The following B4GALNT2 variants were observed in gnomAD, a reference collection of about 807,000 sequenced individuals.
The protein encoded by B4GALNT2 is N-acetylneuraminylgalactosylglucosyl-glucoside beta-1,4-N- acetylgalactosaminyltransferase 2.
In B4GALNT2, 42 loss-of-function variants were observed where a neutral mutation model predicts 51.1. That is an observed-to-expected ratio of 0.82 (90% CI 0.64 to 1.06). The LOEUF (loss-of-function observed/expected upper bound fraction) is 1.06, where lower values mean the gene tolerates loss of function less well. Ranked by LOEUF, B4GALNT2 falls within the 50% of genes least tolerant of loss-of-function variation. The pLI, the probability that B4GALNT2 is intolerant of heterozygous loss-of-function variation, is 0.00. For missense variants in B4GALNT2, 602 were observed against 633.6 expected, an observed-to-expected ratio of 0.95 and a Z score of 0.54; for synonymous variants, 253 against 251.7, an observed-to-expected ratio of 1.01 and a Z score of -0.05.
In B4GALNT2 at chr17:49,171,355, C is replaced by T. The variant is rs570140475; in HGVS notation, c.*1627C>T. 28 of 426,520 alleles carry T rather than the reference C, an allele frequency of 6.6e-5. No individual in the cohort carries two copies. The highest frequency in any genetic ancestry group is 1.0e-4 in the Non-Finnish European group (23 of 220,042). 26.4% of individuals were successfully genotyped at this position (426,520 alleles called of 1,614,324 possible). A position where few individuals can be genotyped will look rare whatever the true frequency, so the allele number is the denominator to read the frequency against. On this transcript the variant is annotated 3_prime_UTR_variant, in exon 11 of 11. Coordinates refer to ENST00000393354, the MANE Select transcript of B4GALNT2 (RefSeq NM_001159387.2). Reference sequence around the variant, plus strand: ...GGGTTAATATCTGCTAATCTGTCTGCAGCTCCTTCAAGCACTCCAGTTCCT... The same window carrying T: ...GGGTTAATATCTGCTAATCTGTCTGTAGCTCCTTCAAGCACTCCAGTTCCT...
At chr17:49,168,935 G>A in intron 10 of B4GALNT2, 35 bp downstream of exon 10, 1 of 1,589,858 alleles carries the variant, frequency 6.3e-7, no homozygotes, top group Non-Finnish European at 8.6e-7. Context: ...AGGGAGCTGG[G>A]CTGGGAATTA....
intron 7 of B4GALNT2, among the ~76,000 whole-genome samples, chr17:49,161,914 A>T (rs2042868717): frequency 6.6e-6 from 1 of 151,792 alleles, no homozygotes; most frequent in African/African-American, 2.4e-5. Context: ...GGTATAAGGC[A>T]TGACACAAAA....
intron 3 of B4GALNT2, among the ~76,000 whole-genome samples, chr17:49,150,105 G>A (rs376446169): frequency 2.6e-5 from 4 of 151,732 alleles, no homozygotes; most frequent in Non-Finnish European, 5.9e-5. Context: ...CAGCCGCCCC[G>A]TCCAGGAGGT....
rs1567870586 is a variant in B4GALNT2, at chr17:49,175,025, AGT to A, written c.*5298_*5299del. ...GTACAGAAGTTATAATTGGTTGAAT[AGT>A]CCCATGTTGTCCATCGGGCCCCTCA... On this transcript the variant is annotated 3_prime_UTR_variant, in exon 11 of 11. Transcript: ENST00000393354. 2.0e-5 allele frequency: 3 copies of A among 152,186 alleles called. No homozygotes were observed. The highest frequency in any genetic ancestry group is 2.4e-5 in the African/African-American group (1 of 41,454). The allele number at this position is 152,186 out of a possible 1,614,324, so 9.4% of individuals were successfully genotyped here.
chr17:49,136,863 C>T (rs998698506), intron 1 of B4GALNT2, among the ~76,000 whole-genome samples: 2 of 152,090 alleles, frequency 1.3e-5, no homozygotes, highest in Admixed American at 6.6e-5. Flanking sequence ...TAGAGTTTTA[C>T]AAGCTGGTGA....
chr17:49,166,637 G>A (rs911626690), intron 9 of B4GALNT2, among the ~76,000 whole-genome samples: 11 of 152,030 alleles, frequency 7.2e-5, no homozygotes, highest in African/African-American at 2.4e-4. Context: ...AAGCACACAC[G>A]GCACTAATGA....
chr17:49,133,207 G>C (rs1022036028), intron 1 of B4GALNT2: 2 of 1,500,676 alleles, frequency 1.3e-6, no homozygotes, highest in African/African-American at 2.9e-5. Context: ...CACGGGAGGA[G>C]CCGCCGTCAG....
In B4GALNT2 at chr17:49,141,378, C is replaced by A; in HGVS notation, c.146C>A (p.Pro49Gln). Residue 49 changes from proline (P) to glutamine (Q), a missense_variant, in exon 2 of 11, where the codon CCG becomes CAG. Transcript: ENST00000393354. ...AAGCCAGAACTCCCAAGTCCTGCCCCGGGTGTCCAGAAGCTGAAGCTTCTG... is the reference window on the plus strand; with the variant it reads ...AAGCCAGAACTCCCAAGTCCTGCCCAGGGTGTCCAGAAGCTGAAGCTTCTG... ...SPKPELPSPA[P>Q]GVQKLKLLPE... The A allele has an allele frequency of 6.2e-7, 1 of 1,614,130 alleles. No individual in the cohort carries two copies. The highest frequency in any genetic ancestry group is 8.5e-7 in the Non-Finnish European group (1 of 1,180,012).
At chr17:49,125,458 C>T in the B4GALNT2 span, among the ~76,000 whole-genome samples, 77,465 of 151,880 alleles carry the variant, frequency 0.51, 20,156 homozygotes, top group Middle Eastern at 0.62. Flanking sequence ...CTGTTCCTGG[C>T]CAAGCTTGGG....
chr17:49,151,738 C>CT (rs201291518), intron 3 of B4GALNT2, among the ~76,000 whole-genome samples: 2,053 of 145,284 alleles, frequency 0.014, 49 homozygotes, highest in African/African-American at 0.051. Context: ...TAGCGAGACT[C>CT]TGTCACAAAA....
At chr17:49,147,726 C>T (rs975167163) in intron 3 of B4GALNT2, among the ~76,000 whole-genome samples, 8 of 152,036 alleles carry the variant, frequency 5.3e-5, no homozygotes, top group Non-Finnish European at 1.0e-4. Context: ...CTGCTATTCT[C>T]GTCCCTTTCT....
intron 6 of B4GALNT2, among the ~76,000 whole-genome samples, chr17:49,159,854 C>G (rs1418535488): frequency 2.0e-5 from 3 of 152,178 alleles, no homozygotes; most frequent in Non-Finnish European, 4.4e-5. Context: ...AAGATTTCCA[C>G]TGCAGTAGAG....
chr17:49,160,695 G>T, intron 7 of B4GALNT2, 54 bp downstream of exon 7: 2 of 1,502,352 alleles, frequency 1.3e-6, no homozygotes, highest in South Asian at 2.3e-5. Flanking sequence ...AGCTATTGGT[G>T]AAATTCAGAA....
At chr17:49,133,069 T>G (rs1350540798) in intron 1 of B4GALNT2, 2 of 1,502,938 alleles carry the variant, frequency 1.3e-6, no homozygotes, top group African/African-American at 1.5e-5. Context: ...CACGTGGAAG[T>G]GGCCTCTCGC....
chr17:49,155,501 C>T (rs1269663914), intron 4 of B4GALNT2, among the ~76,000 whole-genome samples: 1 of 149,384 alleles, frequency 6.7e-6, no homozygotes. Context: ...ACTCGGGAGG[C>T]TGAGGCAGGA....
the B4GALNT2 span, among the ~76,000 whole-genome samples, chr17:49,122,672 T>C: frequency 6.6e-6 from 1 of 152,216 alleles, no homozygotes; most frequent in East Asian, 1.9e-4. Flanking sequence ...TAGGCCCAAC[T>C]GGTTGAGATA....
chr17:49,132,811 G>A lies in B4GALNT2; in HGVS notation c.14+5G>A. 1 of 1,376,142 alleles carries A rather than the reference G, an allele frequency of 7.3e-7. No homozygotes were observed. The highest frequency in any genetic ancestry group is 1.8e-5 in the South Asian group (1 of 55,252). The allele number at this position is 1,376,142 out of a possible 1,614,324, so 85.2% of individuals were successfully genotyped here. On this transcript the variant is annotated splice_donor_5th_base_variant and intron_variant, in intron 1 of 10. Coordinates refer to ENST00000393354, the MANE Select transcript of B4GALNT2 (RefSeq NM_001159387.2). ...ATTCGGGATGACTTCGGGCGGGTGAGTGTCCCCGGGGCAGAGCAGAGCGAG... is the reference window on the plus strand; with the variant it reads ...ATTCGGGATGACTTCGGGCGGGTGAATGTCCCCGGGGCAGAGCAGAGCGAG...
At chr17:49,135,784 C>G (rs1035955050) in intron 1 of B4GALNT2, among the ~76,000 whole-genome samples, 1 of 151,318 alleles carries the variant, frequency 6.6e-6, no homozygotes, top group Admixed American at 6.6e-5. Flanking sequence ...AAAATCCTGG[C>G]CCGGCATGGT....
chr17:49,169,981 C>A lies in B4GALNT2; in HGVS notation c.*253C>A, dbSNP rs2042947474. The A allele has an allele frequency of 1.6e-5, 6 of 373,178 alleles. No individual in the cohort carries two copies. The highest frequency in any genetic ancestry group is 2.9e-5 in the Non-Finnish European group (6 of 208,664). 23.1% of individuals were successfully genotyped at this position (373,178 alleles called of 1,614,324 possible). ...GTACAATGCCCTGCCTTTTTTGAAGCATTTGCATGGGCAGTATCTCACATC... is the reference window on the plus strand; with the variant it reads ...GTACAATGCCCTGCCTTTTTTGAAGAATTTGCATGGGCAGTATCTCACATC... On this transcript the variant is annotated 3_prime_UTR_variant, in exon 11 of 11. Transcript: ENST00000393354.
Sources: allele counts gnomAD v4.1 joint callset (sites outside exome capture counted in the v4.1 genomes callset), GRCh38; gene constraint gnomAD v4.1.1; transcripts MANE v1.5; gene names NCBI Gene and HGNC (gene_info 2026-07-23, HGNC 2026-07-21).